Variants in EPHA6 observed in about 807,000 individuals in gnomAD.
EPHA6 encodes the protein ephrin type-A receptor 6.
EPHA6 carries 50 observed loss-of-function variants against 112.0 expected under a neutral mutation model. That is an observed-to-expected ratio of 0.45 (90% CI 0.36 to 0.56). The LOEUF is 0.56. EPHA6 is among the 20% of genes least tolerant of loss of function. The pLI, the probability that EPHA6 is intolerant of heterozygous loss-of-function variation, is 0.00. For missense variants in EPHA6, 1,280 were observed against 1,417.4 expected, an observed-to-expected ratio of 0.90 and a Z score of 1.56; for synonymous variants, 529 against 490.7, an observed-to-expected ratio of 1.08 and a Z score of -1.03.
intron 5 of EPHA6, among the ~76,000 whole-genome samples, chr3:97,366,955 A>G (rs1328787647): frequency 1.3e-5 from 2 of 152,176 alleles, no homozygotes; most frequent in African/African-American, 4.8e-5. Flanking sequence ...CTTTACACGT[A>G]TTGATTCATT....
chr3:97,192,365 T>G (rs1007506613), intron 3 of EPHA6, among the ~76,000 whole-genome samples: 4 of 152,168 alleles, frequency 2.6e-5, no homozygotes, highest in Non-Finnish European at 5.9e-5. Flanking sequence ...ACTCCTGGCC[T>G]CAAGTGATCC....
At chr3:97,188,786 T>C (rs1262469281) in intron 3 of EPHA6, among the ~76,000 whole-genome samples, 1 of 151,920 alleles carries the variant, frequency 6.6e-6, no homozygotes, top group African/African-American at 2.4e-5. Flanking sequence ...GTTATAGTAT[T>C]GCTGAAAGAA....
At chr3:97,397,031 A>C (rs957339231) in intron 5 of EPHA6, among the ~76,000 whole-genome samples, 1 of 151,734 alleles carries the variant, frequency 6.6e-6, no homozygotes, top group African/African-American at 2.4e-5. Context: ...CATTTCAGCT[A>C]TCTATTCAAC....
At chr3:97,389,457 T>C (rs1171021009) in intron 5 of EPHA6, among the ~76,000 whole-genome samples, 1 of 152,192 alleles carries the variant, frequency 6.6e-6, no homozygotes, top group Non-Finnish European at 1.5e-5. Context: ...AATTATAATA[T>C]TTATTTTTTG....
At chr3:96,929,249 T>C (rs989915409) in intron 2 of EPHA6, among the ~76,000 whole-genome samples, 2 of 152,222 alleles carry the variant, frequency 1.3e-5, no homozygotes, top group African/African-American at 2.4e-5. Flanking sequence ...ATTAGTATTG[T>C]TATACATGGA....
intron 3 of EPHA6, among the ~76,000 whole-genome samples, chr3:97,139,197 A>G (rs898121912): frequency 6.6e-6 from 1 of 152,166 alleles, no homozygotes; most frequent in Non-Finnish European, 1.5e-5. Flanking sequence ...GGCCCTGCCC[A>G]TTACCAGGGA....
chr3:97,321,995 T>C (rs749892288), intron 5 of EPHA6, among the ~76,000 whole-genome samples: 69 of 152,102 alleles, frequency 4.5e-4, no homozygotes, highest in Non-Finnish European at 9.4e-4. Context: ...ACAGGTTTCA[T>C]GTTCATGAAT....
chr3:97,706,292 A>G (rs1406606558), intron 14 of EPHA6, among the ~76,000 whole-genome samples: 1 of 152,198 alleles, frequency 6.6e-6, no homozygotes, highest in Non-Finnish European at 1.5e-5. Context: ...TTTGGATCAC[A>G]AGATACAAAT....
intron 14 of EPHA6, among the ~76,000 whole-genome samples, chr3:97,656,124 A>C (rs781486558): frequency 4.8e-4 from 73 of 151,994 alleles, no homozygotes; most frequent in Admixed American, 3.7e-3. Flanking sequence ...ATAGAAAGAA[A>C]TAGCTCCTGG....
At chr3:97,499,119 A>G (rs1050368401) in intron 10 of EPHA6, among the ~76,000 whole-genome samples, 5 of 152,212 alleles carry the variant, frequency 3.3e-5, no homozygotes, top group Non-Finnish European at 4.4e-5. Context: ...AATGAAAAGC[A>G]CAAGGATGCC....
chr3:97,068,616 T>TCACACACA (rs147267729), intron 3 of EPHA6, among the ~76,000 whole-genome samples: 5 of 148,130 alleles, frequency 3.4e-5, no homozygotes, highest in South Asian at 2.1e-4. Flanking sequence ...ATGTACACAC[T>TCACACACA]CACACACACA....
chr3:97,615,458 G>T lies in EPHA6; in HGVS notation c.2574+4604G>T, dbSNP rs565909179. On this transcript the variant is annotated intron_variant, in intron 13 of 17. Transcript: ENST00000389672. ...CCTGAAAAGGGAGCTGAATCCAGGG[G>T]GCAGAGCAGCATCGGTCTGCAGGCC... Among the ~76,000 whole-genome samples, 9 of 152,246 alleles carry T rather than the reference G, an allele frequency of 5.9e-5. No individual in the cohort carries two copies. In the East Asian group the frequency reaches 7.8e-4, roughly 13 times the overall value.
intron 3 of EPHA6, among the ~76,000 whole-genome samples, chr3:97,008,393 A>G (rs1001058841): frequency 6.6e-6 from 1 of 152,014 alleles, no homozygotes; most frequent in African/African-American, 2.4e-5. Context: ...CGCTGGGTCG[A>G]TTTGGCTGTT....
At chr3:97,169,933 G>A (rs1289632116) in intron 3 of EPHA6, among the ~76,000 whole-genome samples, 2 of 152,092 alleles carry the variant, frequency 1.3e-5, no homozygotes, top group Non-Finnish European at 2.9e-5. Flanking sequence ...ATGGACACAC[G>A]GAGGGGAACA....
chr3:97,127,665 A>G (rs1390777510), intron 3 of EPHA6, among the ~76,000 whole-genome samples: 1 of 150,870 alleles, frequency 6.6e-6, no homozygotes, highest in Non-Finnish European at 1.5e-5. Flanking sequence ...AGGTGAGCCG[A>G]GATTGCGCCA....
Position 96,814,910 on chromosome 3 carries a change from G to T in EPHA6, c.287G>T (p.Gly96Val), listed in dbSNP as rs766018382. The T allele has an allele frequency of 6.1e-5, 95 of 1,552,692 alleles. No homozygotes were observed. In the Admixed American group the frequency reaches 9.4e-4, roughly 15 times the overall value. Reference protein sequence around the residue: ...ERKREPRRTMGGCEVREFLLQ... With the variant: ...ERKREPRRTMVGCEVREFLLQ... ...AAAAGAGAGCCTAGGAGAACCATGGGGGGCTGCGAAGTCCGGGAATTTCTT... is the reference window on the plus strand; with the variant it reads ...AAAAGAGAGCCTAGGAGAACCATGGTGGGCTGCGAAGTCCGGGAATTTCTT... Residue 96 changes from glycine to valine, a missense_variant, in exon 1 of 18, where the codon GGG (glycine) becomes GTG (valine). Physicochemically the swap from Gly to Val is moderately radical, Grantham distance 109. This residue lies in a region of EPHA6 where 220 missense variants were observed against 171.5 expected (regional missense o/e 1.28). Transcript: ENST00000389672.
chr3:96,944,747 C>T (rs774365746), intron 2 of EPHA6, among the ~76,000 whole-genome samples: 24 of 152,132 alleles, frequency 1.6e-4, no homozygotes, highest in Non-Finnish European at 3.2e-4. Context: ...TGAGACCATC[C>T]TGGCCAACAT....
chr3:96,903,634 T>A (rs1213158901), intron 2 of EPHA6, among the ~76,000 whole-genome samples: 7 of 152,144 alleles, frequency 4.6e-5, no homozygotes, highest in African/African-American at 1.4e-4. Flanking sequence ...AATAATTTTT[T>A]AAACAATTTT....
intron 5 of EPHA6, among the ~76,000 whole-genome samples, chr3:97,260,709 C>T (rs2079472998): frequency 6.6e-6 from 1 of 152,334 alleles, no homozygotes; most frequent in Non-Finnish European, 1.5e-5. Flanking sequence ...CTTCCCACAG[C>T]AACATCTCTG....
Sources: allele counts gnomAD v4.1 joint callset (sites outside exome capture counted in the v4.1 genomes callset), GRCh38; gene constraint gnomAD v4.1.1; regional missense constraint gnomAD v4.1.1; transcripts MANE v1.5; gene names NCBI Gene and HGNC (gene_info 2026-07-23, HGNC 2026-07-21).